ENDOD1: variants seen among roughly 807,000 people sequenced by gnomAD.
ENDOD1 encodes the protein endonuclease domain-containing 1 protein.
In ENDOD1, 9 loss-of-function variants were observed where a neutral mutation model predicts 6.5. That is an observed-to-expected ratio of 1.39 (90% confidence interval 0.84 to 2.43). The LOEUF is 2.43. Among genes scored for constraint, ENDOD1 ranks in the 30% most tolerant of loss-of-function variants. The pLI is 0.00. For synonymous variants in ENDOD1, 255 were observed against 255.2 expected (o/e 1.00, Z 0.01); for missense variants, 648 against 635.5 (o/e 1.02, Z -0.21).
chr11:95,117,355 G>A (rs1460830992), intron 1 of ENDOD1, among the ~76,000 whole-genome samples: 2 of 152,234 alleles, frequency 1.3e-5, no homozygotes, highest in Non-Finnish European at 1.5e-5. Flanking sequence ...GTTGCCACGA[G>A]CTGAGATTGA....
Position 95,090,092 on chromosome 11 carries a change from C to A in ENDOD1, c.165C>A (p.Ile55=), listed in dbSNP as rs1555109664. 3.8e-6 allele frequency: 6 copies of A among 1,598,988 alleles called. No homozygotes were observed. Among genetic ancestry groups the A allele is most frequent in the Non-Finnish European group, 5.1e-6 (6 of 1,174,236 alleles). ...AGLAADSHVK[I]CQRAEGAERF... is the part of the protein sequence containing the mutation. ...TGGCGGCCGATTCCCACGTGAAGAT[C>A]TGTCAGCGCGCGGAGGGTGCTGAGC... Residue 55 remains isoleucine (I), a synonymous_variant, in exon 1 of 2, where the codon ATC becomes ATA. Transcript: ENST00000278505.
chr11:95,090,020 T>TCTAC lies in ENDOD1; in HGVS notation c.93_94insCTAC (p.Gly32LeufsTer5). 1 of 1,588,660 alleles carries TCTAC rather than the reference T, an allele frequency of 6.3e-7. No individual in the cohort carries two copies. Among genetic ancestry groups the TCTAC allele is most frequent in the Non-Finnish European group, 8.6e-7 (1 of 1,169,394 alleles). On this transcript the variant is annotated frameshift_variant, in exon 1 of 2. Coordinates refer to ENST00000278505, the MANE Select transcript of ENDOD1 (RefSeq NM_015036.3). LOFTEE classifies it high-confidence loss of function. ...TCGTGGGCGAGGAGGAAGCCGGCTT[T>TCTAC]GGCGAATGTGACAAGTTCTTCTACG...
rs1385245288 is a variant in ENDOD1, at chr11:95,128,479, C to A, written c.403C>A (p.Leu135Ile). The A allele has an allele frequency of 6.2e-7, 1 of 1,614,240 alleles. No homozygotes were observed. The highest frequency in any genetic ancestry group is 8.5e-7 in the Non-Finnish European group (1 of 1,180,038). The change falls in exon 2 of 2, where the codon CTT becomes ATT. Residue 135 changes from leucine to isoleucine, a missense_variant. Physicochemically the swap from Leu to Ile is conservative, Grantham distance 5 (BLOSUM62 2). Transcript: ENST00000278505. Reference sequence around the variant, plus strand: ...CAAGCAAGCCTTGAATACAGATTACCTTGATTCTGATTACCAAAGAGGACA... The same window carrying A: ...CAAGCAAGCCTTGAATACAGATTACATTGATTCTGATTACCAAAGAGGACA... ...GSKQALNTDYLDSDYQRGQLY... is the reference protein window; with the variant it reads ...GSKQALNTDYIDSDYQRGQLY...
chr11:95,115,321 A>AT (rs146122137), intron 1 of ENDOD1, among the ~76,000 whole-genome samples: 8,623 of 148,968 alleles, frequency 0.058, 324 homozygotes, highest in African/African-American at 0.1. Flanking sequence ...AATGTGACTG[A>AT]TTTTTTGTAG....
chr11:95,121,929 G>T (rs539914114), intron 1 of ENDOD1, among the ~76,000 whole-genome samples: 2 of 152,284 alleles, frequency 1.3e-5, no homozygotes, highest in South Asian at 4.1e-4. Flanking sequence ...AGCTTTGTGT[G>T]TTCCCCTATA....
chr11:95,104,346 G>C (rs558294795), intron 1 of ENDOD1, among the ~76,000 whole-genome samples: 1 of 151,914 alleles, frequency 6.6e-6, no homozygotes, highest in Non-Finnish European at 1.5e-5. Context: ...TCCTCGGGAG[G>C]CTGAGTGGGA....
intron 1 of ENDOD1, among the ~76,000 whole-genome samples, chr11:95,103,596 A>T (rs1422309194): frequency 6.6e-6 from 1 of 152,136 alleles, no homozygotes; most frequent in African/African-American, 2.4e-5. Context: ...ACTCTCTCTC[A>T]CTAGATTGTT....
intron 1 of ENDOD1, among the ~76,000 whole-genome samples, chr11:95,119,604 G>A (rs1247415396): frequency 6.6e-6 from 1 of 152,202 alleles, no homozygotes; most frequent in Non-Finnish European, 1.5e-5. Flanking sequence ...GGACTGTGGT[G>A]GGTCAGACCT....
chr11:95,127,211 A>C (rs536907359), intron 1 of ENDOD1, among the ~76,000 whole-genome samples: 1 of 152,184 alleles, frequency 6.6e-6, no homozygotes, highest in Non-Finnish European at 1.5e-5. Flanking sequence ...AGAATTTACA[A>C]GTTAGTTTGG....
At chr11:95,126,971 C>T (rs1859318050) in intron 1 of ENDOD1, among the ~76,000 whole-genome samples, 1 of 152,168 alleles carries the variant, frequency 6.6e-6, no homozygotes, top group Non-Finnish European at 1.5e-5. Flanking sequence ...CAGGCATGAA[C>T]CACCATGCCT....
At chr11:95,096,903 C>T (rs904317049) in intron 1 of ENDOD1, among the ~76,000 whole-genome samples, 25 of 152,152 alleles carry the variant, frequency 1.6e-4, no homozygotes, top group African/African-American at 5.8e-4. Flanking sequence ...TGGCTCATGC[C>T]TGTAATCCCA....
intron 1 of ENDOD1, among the ~76,000 whole-genome samples, chr11:95,103,896 G>A (rs530817914): frequency 2.0e-5 from 3 of 152,332 alleles, no homozygotes; most frequent in East Asian, 1.9e-4. Flanking sequence ...TTCCCAGACC[G>A]TGTCTGCCTT....
intron 1 of ENDOD1, among the ~76,000 whole-genome samples, chr11:95,100,865 GTT>G (rs34680715): frequency 4.1e-5 from 3 of 72,290 alleles, no homozygotes; most frequent in African/African-American, 1.1e-4. Flanking sequence ...CCTGCTGGGT[GTT>G]TTTTTTTTTT....
rs747429949 is a variant in ENDOD1 at position 95,090,236 on chromosome 11, A to G, written c.300+9A>G. 26 of 1,372,124 alleles carry G rather than the reference A, an allele frequency of 1.9e-5. No individual in the cohort carries two copies. The highest frequency in any genetic ancestry group is 3.0e-5 in the African/African-American group (2 of 66,020). 85.0% of individuals were successfully genotyped at this position (1,372,124 alleles called of 1,614,324 possible). ...GGCTGGTGGAGCCGCAGGTAAGCGA[A>G]GTGGTTCCCGAGCCGGGCTGCGGGC... On this transcript the variant is annotated intron_variant, in intron 1 of 1. Transcript: ENST00000278505.
At chr11:95,099,270 C>T (rs948119910) in intron 1 of ENDOD1, among the ~76,000 whole-genome samples, 19 of 152,170 alleles carry the variant, frequency 1.2e-4, no homozygotes, top group Non-Finnish European at 2.2e-4. Flanking sequence ...AGATTTTGTC[C>T]CCTGCATCTC....
intron 1 of ENDOD1, among the ~76,000 whole-genome samples, chr11:95,127,505 CTG>C (rs1259091743): frequency 6.6e-6 from 1 of 152,170 alleles, no homozygotes. Flanking sequence ...TGACACCAGA[CTG>C]TACATTTTCC....
chr11:95,112,700 AG>A (rs1309137010), intron 1 of ENDOD1, among the ~76,000 whole-genome samples: 1 of 152,228 alleles, frequency 6.6e-6, no homozygotes, highest in East Asian at 1.9e-4. Flanking sequence ...GTTCCACTTC[AG>A]GATTGTTTCC....
At chr11:95,114,407 T>C (rs1051841372) in intron 1 of ENDOD1, among the ~76,000 whole-genome samples, 1 of 152,260 alleles carries the variant, frequency 6.6e-6, no homozygotes, top group Non-Finnish European at 1.5e-5. Context: ...ATTAATCCCT[T>C]GTCATATGGG....
intron 1 of ENDOD1, among the ~76,000 whole-genome samples, chr11:95,105,220 T>C (rs567690183): frequency 1.3e-5 from 2 of 152,342 alleles, no homozygotes; most frequent in Admixed American, 6.5e-5. Flanking sequence ...TGTTTCTTGG[T>C]ATCCATGAGG....
Sources: gnomAD v4.1 joint callset for allele counts (sites outside exome capture counted in the v4.1 genomes callset) on GRCh38, gnomAD v4.1.1 for gene constraint, MANE v1.5 for transcripts, NCBI Gene and HGNC (gene_info 2026-07-23, HGNC 2026-07-21) for gene names.